The following RHBDF1 variants were observed in gnomAD, a reference collection of about 807,000 sequenced individuals.
RHBDF1 encodes the protein inactive rhomboid protein 1.
Under a neutral mutation model 98.6 loss-of-function variants are expected in RHBDF1, and 80 were observed. The ratio of observed to expected loss-of-function variants is 0.81; its 90% CI spans 0.68 to 0.98. RHBDF1 has a LOEUF of 0.98. Among genes scored for constraint, RHBDF1 ranks in the 50% least tolerant of loss-of-function variants. RHBDF1 has a pLI of 0.00. For synonymous variants in RHBDF1, 512 were observed against 486.8 expected, an observed-to-expected ratio of 1.05 and a Z score of -0.68; for missense variants, 1,116 against 1,198.3, an observed-to-expected ratio of 0.93 and a Z score of 1.01.
Position 59,461 on chromosome 16 carries a change from G to T in RHBDF1, c.1851C>A (p.Phe617Leu). Residue 617 changes from phenylalanine (F) to leucine (L), a missense_variant, in exon 15 of 18, where the codon TTC (phenylalanine) becomes TTA (leucine). Physicochemically the swap from Phe to Leu is conservative, Grantham distance 22 (BLOSUM62 0). Coordinates refer to ENST00000262316, the MANE Select transcript of RHBDF1 (RefSeq NM_022450.5). ...CCTCCTCATGGAAGTAGCCCCTCATGAAGTCACAGTACTCCCGGGAGGTGA... is the reference window on the plus strand; with the variant it reads ...CCTCCTCATGGAAGTAGCCCCTCATTAAGTCACAGTACTCCCGGGAGGTGA... Reference protein sequence around the residue: ...CEITSREYCDFMRGYFHEEAT... With the variant: ...CEITSREYCDLMRGYFHEEAT... 6.2e-7 allele frequency: 1 copy of T among 1,613,756 alleles called. No homozygotes were observed. Among genetic ancestry groups the T allele is most frequent in the Non-Finnish European group, 8.5e-7 (1 of 1,179,992 alleles).
intron 1 of RHBDF1, among the ~76,000 whole-genome samples, chr16:66,283 G>A (rs562462604): frequency 6.6e-6 from 1 of 152,272 alleles, no homozygotes; most frequent in African/African-American, 2.4e-5. Context: ...CCCAGAAATG[G>A]CTTTCACTCA....
chr16:59,373 T>C (rs931783421), intron 15 of RHBDF1, 24 bp from the exon 16 acceptor site: 23 of 1,611,986 alleles, frequency 1.4e-5, no homozygotes, highest in Non-Finnish European at 2.0e-5. Context: ...CATATCAGCA[T>C]CACAGTAGCT....
chr16:59,115 G>A lies in RHBDF1; in HGVS notation c.2007C>T (p.Cys669=), dbSNP rs1897499720. The A allele has an allele frequency of 1.2e-6, 2 of 1,613,482 alleles. No homozygotes were observed. Among genetic ancestry groups the A allele is most frequent in the African/African-American group, 1.3e-5 (1 of 75,042 alleles). Residue 669 remains cysteine (C), a synonymous_variant, in exon 17 of 18, where the codon TGC becomes TGT. Transcript: ENST00000262316. ...TCATCTGGAAGCAGATGGACACCAG[G>A]CAGTGCAAGATCCTGTAGTCAGTAG... ...SLFLHAGILH[C]LVSICFQMTV...
At position 64,841 on chromosome 16, in the gene RHBDF1, G is replaced by A. The variant is rs909964257; in HGVS notation, c.118-12C>T. Reference sequence around the variant, plus strand: ...TGTCGCCTCAGGGGCTGGGCAACAGGGTCATGGTGAGGGTACTGGACAGGG... The same window carrying A: ...TGTCGCCTCAGGGGCTGGGCAACAGAGTCATGGTGAGGGTACTGGACAGGG... On this transcript the variant is annotated splice_polypyrimidine_tract_variant and intron_variant, in intron 2 of 17. Transcript: ENST00000262316. 3 of 1,613,986 alleles carry A rather than the reference G, an allele frequency of 1.9e-6. No homozygotes were observed. The African/African-American group carries it at 4.0e-5, about 22-fold the overall frequency.
rs1373245174 is a variant in RHBDF1 at position 58,144 on chromosome 16, A to G, written c.*196T>C. 7.0e-6 allele frequency: 4 copies of G among 574,096 alleles called. No individual in the cohort carries two copies. The East Asian group carries it at 1.2e-4, about 17-fold the overall frequency. The allele number at this position is 574,096 out of a possible 1,614,324, so 35.6% of individuals were successfully genotyped here. On this transcript the variant is annotated 3_prime_UTR_variant, in exon 18 of 18. Coordinates refer to ENST00000262316, the MANE Select transcript of RHBDF1 (RefSeq NM_022450.5). ...AAGAAACAAGTTAGAAGGTTATGAC[A>G]GGAAGTAGTATAATAAATGCCCGGC...
intron 13 of RHBDF1, 81 bp from the exon 14 acceptor site, chr16:59,907 G>C: frequency 6.3e-7 from 1 of 1,599,862 alleles, no homozygotes; most frequent in Admixed American, 1.7e-5. Context: ...TAGAGGCAAA[G>C]ATGGGTGGGC....
intron 6 of RHBDF1, 21 bp from the exon 7 acceptor site, chr16:62,716 A>G: frequency 6.2e-7 from 1 of 1,614,136 alleles, no homozygotes; most frequent in South Asian, 1.1e-5. Context: ...ACATGAGGTC[A>G]GGGTGGACAC....
chr16:59,702 C>T (rs911607962), intron 14 of RHBDF1, 30 bp downstream of exon 14: 8 of 1,611,240 alleles, frequency 5.0e-6, no homozygotes, highest in Admixed American at 3.3e-5. Flanking sequence ...AGCCCAGAGA[C>T]CAGCTGCACT....
At chr16:60,601 A>G in intron 11 of RHBDF1, 62 bp from the exon 12 acceptor site, 1 of 1,313,644 alleles carries the variant, frequency 7.6e-7, no homozygotes, top group Non-Finnish European at 1.1e-6. Context: ...GCACGCAGGG[A>G]GTCAGGAGTC....
intron 1 of RHBDF1, among the ~76,000 whole-genome samples, chr16:70,205 T>C (rs776692121): frequency 6.6e-6 from 1 of 152,218 alleles, no homozygotes; most frequent in Non-Finnish European, 1.5e-5. Context: ...AGGACTTAGC[T>C]ACACTAGATT....
At chr16:59,681 G>A in intron 14 of RHBDF1, 51 bp downstream of exon 14, 1 of 1,602,142 alleles carries the variant, frequency 6.2e-7, no homozygotes, top group South Asian at 1.1e-5. Flanking sequence ...ACACCCTAGG[G>A]CGATGCTCTG....
At chr16:73,861 G>A (rs961280408), upstream of RHBDF1, 26 of 877,818 alleles carry the variant, frequency 3.0e-5, no homozygotes, top group Non-Finnish European at 3.4e-5. Flanking sequence ...ACAATGGCCT[G>A]CTCCTTGGCT....
At chr16:74,641 G>A (rs1898051575), upstream of RHBDF1, 1 of 152,178 alleles carries the variant, frequency 6.6e-6, no homozygotes, top group Non-Finnish European at 1.5e-5. Flanking sequence ...GATCAGAGGG[G>A]GGTCGATACA....
At position 58,493 on chromosome 16, in the gene RHBDF1, G is replaced by T; in HGVS notation, c.2415C>A (p.Ile805=). ...GGCCCAGGAAGACCACCTGAAAGAT[G>T]ATGATCTGGCAGCGTTTCCGGTACA... ...FDLYRKRCQI[I]IFQVVFLGLL... Residue 805 remains isoleucine, a synonymous_variant, in exon 18 of 18, where the codon ATC becomes ATA. Coordinates refer to ENST00000262316, the MANE Select transcript of RHBDF1 (RefSeq NM_022450.5). 6.2e-7 allele frequency: 1 copy of T among 1,614,122 alleles called. No individual in the cohort carries two copies. The highest frequency in any genetic ancestry group is 1.3e-5 in the African/African-American group (1 of 75,072).
intron 17 of RHBDF1, 32 bp downstream of exon 17, chr16:58,942 G>A (rs760842943): frequency 5.0e-6 from 8 of 1,609,310 alleles, no homozygotes; most frequent in Admixed American, 3.3e-5. Context: ...AGGTGCACAC[G>A]GGAGGATCCC....
At position 69,660 on chromosome 16, in the gene RHBDF1, C is replaced by A. The variant is rs1216871304; in HGVS notation, c.-25+2853G>T. 2.0e-5 allele frequency among the ~76,000 whole-genome samples: 3 copies of A among 152,174 alleles called. No individual in the cohort carries two copies. The East Asian group carries it at 5.8e-4, about 29-fold the overall frequency. On this transcript the variant is annotated intron_variant, in intron 1 of 17. Transcript: ENST00000262316. ...ATTAATGAAGGGAAAGTCACCTGGC[C>A]TCTCTGCCTTGTCTATTAATGGCAT...
intron 1 of RHBDF1, among the ~76,000 whole-genome samples, chr16:71,893 C>A (rs1897979522): frequency 2.0e-5 from 3 of 152,262 alleles, no homozygotes; most frequent in Non-Finnish European, 4.4e-5. Flanking sequence ...GAGTGAGAGT[C>A]TGTCTTCGGG....
intron 1 of RHBDF1, among the ~76,000 whole-genome samples, chr16:70,007 C>CGG (rs1897928418): frequency 7.5e-6 from 1 of 134,206 alleles, no homozygotes; most frequent in Non-Finnish European, 1.5e-5. Flanking sequence ...CAGCACTTGG[C>CGG]AGGAGGGGGG....
At chr16:71,952 T>A (rs1897981403) in intron 1 of RHBDF1, among the ~76,000 whole-genome samples, 1 of 151,834 alleles carries the variant, frequency 6.6e-6, no homozygotes, top group South Asian at 2.1e-4. Flanking sequence ...GATGGGGGAG[T>A]CAGTGTCGTG....
Sources: gnomAD v4.1 joint callset for allele counts (sites outside exome capture counted in the v4.1 genomes callset) on GRCh38, gnomAD v4.1.1 for gene constraint, MANE v1.5 for transcripts, NCBI Gene and HGNC (gene_info 2026-07-23, HGNC 2026-07-21) for gene names.